RYR2: variants seen among roughly 807,000 people sequenced by gnomAD.
The protein encoded by RYR2 is cardiac muscle ryanodine receptor-calcium release channel.
RYR2 carries 227 observed loss-of-function variants against 601.1 expected under a neutral mutation model. That is an observed-to-expected ratio of 0.38 (90% confidence interval 0.34 to 0.42). RYR2 has a LOEUF of 0.42. Among genes scored for constraint, RYR2 ranks in the 10% least tolerant of loss-of-function variants. RYR2 has a pLI of 1.00. For synonymous variants in RYR2, 2,223 were observed against 2,175.1 expected, an observed-to-expected ratio of 1.02 and a Z score of -0.61; for missense variants, 4,646 against 6,156.5, an observed-to-expected ratio of 0.75 and a Z score of 8.21.
At chr1:237,687,650 G>A (rs374244468) in intron 63 of RYR2, 146 bp downstream of exon 63, 61 of 672,654 alleles carry the variant, frequency 9.1e-5, no homozygotes, top group South Asian at 5.1e-4. Context: ...TAAGGTCCTC[G>A]AGGTTGTTCA....
intron 1 of RYR2, among the ~76,000 whole-genome samples, chr1:237,087,355 C>T (rs1666455838): frequency 6.6e-6 from 1 of 151,268 alleles, no homozygotes; most frequent in African/African-American, 2.5e-5. Context: ...TTTCACTTTC[C>T]TCTCCTCCTC....
chr1:237,253,182 C>A (rs1480105899), intron 1 of RYR2, among the ~76,000 whole-genome samples: 12 of 129,800 alleles, frequency 9.2e-5, no homozygotes, highest in Admixed American at 3.9e-4. Flanking sequence ...AAAAAAAAAA[C>A]AACAACAAAA....
At chr1:237,421,762 C>T (rs140864397) in intron 11 of RYR2, among the ~76,000 whole-genome samples, 47 of 152,184 alleles carry the variant, frequency 3.1e-4, no homozygotes, top group African/African-American at 1.1e-3. Flanking sequence ...ACAAAATCAT[C>T]CAGTGTAAAC....
At chr1:237,288,830 G>A (rs1691870901) in intron 2 of RYR2, among the ~76,000 whole-genome samples, 1 of 152,050 alleles carries the variant, frequency 6.6e-6, no homozygotes, top group South Asian at 2.1e-4. Context: ...TGGCCAGGAG[G>A]CCTCTCACCC....
chr1:237,723,012 T>C (rs1689880154), intron 73 of RYR2, 116 bp from the exon 74 acceptor site: 1 of 836,420 alleles, frequency 1.2e-6, no homozygotes, highest in African/African-American at 1.7e-5. Flanking sequence ...ATGTCTTAAC[T>C]GGTAAACACT....
In RYR2 at chr1:237,293,212, CT is replaced by C. The variant is rs201335808; in HGVS notation, c.168+22602del. On this transcript the variant is annotated intron_variant, in intron 2 of 104. Transcript: ENST00000366574. ...TGCCCTCTACTTCAATTTAATTTTTCTTTTTTGGTTGAGGGATGGAGTCTCA... is the reference window on the plus strand; with the variant it reads ...TGCCCTCTACTTCAATTTAATTTTTCTTTTTGGTTGAGGGATGGAGTCTCA... Among the ~76,000 whole-genome samples, 1,187 of 152,068 alleles carry C rather than the reference CT, an allele frequency of 7.8e-3. 16 individuals carry two copies. The highest frequency in any genetic ancestry group is 0.027 in the African/African-American group (1,107 of 41,472).
At chr1:237,542,837 C>T (rs1311664834) in intron 25 of RYR2, among the ~76,000 whole-genome samples, 2 of 152,150 alleles carry the variant, frequency 1.3e-5, no homozygotes, top group African/African-American at 2.4e-5. Context: ...TTATGAGACC[C>T]TGCCATTTGG....
At chr1:237,055,874 G>A (rs999402068) in intron 1 of RYR2, among the ~76,000 whole-genome samples, 4 of 152,186 alleles carry the variant, frequency 2.6e-5, no homozygotes, top group African/African-American at 9.7e-5. Context: ...GGATTAGGAC[G>A]CAGGTCCACA....
At chr1:237,594,900 T>TTTTGTTTTTTG (rs1675674486) in intron 33 of RYR2, among the ~76,000 whole-genome samples, 1 of 23,352 alleles carries the variant, frequency 4.3e-5, no homozygotes, top group African/African-American at 6.7e-5. Context: ...TTTTTTTTTT[T>TTTTGTTTTTTG]TTTTTTTTTT....
intron 100 of RYR2, among the ~76,000 whole-genome samples, chr1:237,817,428 T>C (rs1293717450): frequency 6.6e-6 from 1 of 152,098 alleles, no homozygotes; most frequent in Non-Finnish European, 1.5e-5. Context: ...CACAAATGAT[T>C]TGAGGACTTA....
At chr1:237,126,193 T>C (rs916626732) in intron 1 of RYR2, among the ~76,000 whole-genome samples, 3 of 150,298 alleles carry the variant, frequency 2.0e-5, no homozygotes, top group African/African-American at 4.9e-5. Flanking sequence ...GCCGAGATCA[T>C]GCCACTGTAC....
At chr1:237,286,514 T>TTC (rs1691577142) in intron 2 of RYR2, among the ~76,000 whole-genome samples, 1 of 151,012 alleles carries the variant, frequency 6.6e-6, no homozygotes, top group South Asian at 2.1e-4. Flanking sequence ...TCCGTATATA[T>TTC]CTGTTAAGTC....
chr1:237,361,983 A>G (rs573637710), intron 4 of RYR2, among the ~76,000 whole-genome samples: 84 of 152,280 alleles, frequency 5.5e-4, no homozygotes, highest in African/African-American at 1.9e-3. Context: ...CAGACGAAAG[A>G]TGATTCTGCT....
chr1:237,767,794 C>T (rs2250079), intron 84 of RYR2, among the ~76,000 whole-genome samples: 77,799 of 152,058 alleles, frequency 0.51, 21,108 homozygotes, highest in African/African-American at 0.69. Context: ...TTTAAAATAT[C>T]TGTAGCATTT....
intron 13 of RYR2, among the ~76,000 whole-genome samples, chr1:237,444,956 G>A (rs1286928404): frequency 6.6e-6 from 1 of 152,192 alleles, no homozygotes; most frequent in Admixed American, 6.5e-5. Context: ...TTTGTACCAA[G>A]TTTGCTTAGG....
chr1:237,599,731 G>A (rs1384180425), intron 34 of RYR2, among the ~76,000 whole-genome samples: 2 of 150,016 alleles, frequency 1.3e-5, no homozygotes, highest in Admixed American at 6.7e-5. Context: ...GCTGAGGCAG[G>A]AGAATCACTT....
chr1:237,210,130 A>G (rs1318677847), intron 1 of RYR2, among the ~76,000 whole-genome samples: 1 of 152,030 alleles, frequency 6.6e-6, no homozygotes, highest in East Asian at 1.9e-4. Flanking sequence ...TTTTATTTTT[A>G]AAAATAAATT....
At chr1:237,475,380 A>G (rs1241855324) in intron 17 of RYR2, among the ~76,000 whole-genome samples, 1 of 152,178 alleles carries the variant, frequency 6.6e-6, no homozygotes, top group East Asian at 1.9e-4. Context: ...ATAAGCTAAA[A>G]TTTCTAAGCA....
At chr1:237,251,241 C>A (rs1432384255) in intron 1 of RYR2, among the ~76,000 whole-genome samples, 1 of 152,122 alleles carries the variant, frequency 6.6e-6, no homozygotes, top group African/African-American at 2.4e-5. Flanking sequence ...TCTTTGCTCA[C>A]CTTTGTAAAA....
Sources: allele counts gnomAD v4.1 joint callset (sites outside exome capture counted in the v4.1 genomes callset), GRCh38; gene constraint gnomAD v4.1.1; transcripts MANE v1.5; gene names NCBI Gene and HGNC (gene_info 2026-07-23, HGNC 2026-07-21).